The following ROBO1 variants were observed in gnomAD, a reference collection of about 807,000 sequenced individuals.
ROBO1 encodes the protein roundabout guidance receptor 1.
A neutral mutation model predicts 195.9 loss-of-function variants in ROBO1; 149 were observed. The ratio of observed to expected loss-of-function variants is 0.76; its 90% CI spans 0.67 to 0.87. The LOEUF (loss-of-function observed/expected upper bound fraction) is 0.87, where lower values mean the gene tolerates loss of function less well. Among genes scored for constraint, ROBO1 ranks in the 40% least tolerant of loss-of-function variants. The pLI, the probability that ROBO1 is intolerant of heterozygous loss-of-function variation, is 0.00. For synonymous variants in ROBO1, 816 were observed against 733.2 expected (o/e 1.11, Z -1.82); for missense variants, 1,933 against 2,068.3 (o/e 0.93, Z 1.27).
At chr3:79,511,835 C>G (rs758595819) in intron 2 of ROBO1, among the ~76,000 whole-genome samples, 10 of 152,130 alleles carry the variant, frequency 6.6e-5, no homozygotes, top group Non-Finnish European at 1.2e-4. Context: ...AAACCAAATA[C>G]TGCCTGTTCA....
At chr3:79,124,982 T>C (rs1431278656) in intron 3 of ROBO1, among the ~76,000 whole-genome samples, 3 of 152,004 alleles carry the variant, frequency 2.0e-5, no homozygotes, top group Non-Finnish European at 4.4e-5. Context: ...GCAAACACAA[T>C]CCAAAGATGT....
intron 1 of ROBO1, among the ~76,000 whole-genome samples, chr3:79,652,275 T>C (rs1042669764): frequency 6.6e-6 from 1 of 152,116 alleles, no homozygotes; most frequent in Non-Finnish European, 1.5e-5. Context: ...TTGAGGCATG[T>C]CCACTTTGTC....
intron 21 of ROBO1, among the ~76,000 whole-genome samples, chr3:78,644,162 C>T (rs985892295): frequency 1.3e-5 from 2 of 152,022 alleles, no homozygotes; most frequent in African/African-American, 2.4e-5. Flanking sequence ...CACACACATC[C>T]GTAAGTGGCT....
chr3:78,666,944 A>C (rs1260505466), intron 14 of ROBO1, among the ~76,000 whole-genome samples: 1 of 152,112 alleles, frequency 6.6e-6, no homozygotes, highest in Non-Finnish European at 1.5e-5. Context: ...ATGTTGAGAA[A>C]ATAATTTTAT....
At chr3:78,702,641 C>T (rs1296412641) in intron 8 of ROBO1, among the ~76,000 whole-genome samples, 3 of 152,182 alleles carry the variant, frequency 2.0e-5, no homozygotes, top group African/African-American at 7.2e-5. Context: ...TCAGGCTGAG[C>T]AGCTGAGATT....
At chr3:79,296,447 T>G (rs914833998) in intron 2 of ROBO1, among the ~76,000 whole-genome samples, 4 of 151,876 alleles carry the variant, frequency 2.6e-5, no homozygotes, top group Non-Finnish European at 5.9e-5. Flanking sequence ...AACTTCAAGA[T>G]GTCATTTCAT....
chr3:79,058,079 G>A (rs887264997), intron 3 of ROBO1, among the ~76,000 whole-genome samples: 2 of 151,986 alleles, frequency 1.3e-5, no homozygotes, highest in African/African-American at 2.4e-5. Flanking sequence ...ATGAAAGGGG[G>A]AGTAATGGGA....
intron 2 of ROBO1, among the ~76,000 whole-genome samples, chr3:79,251,739 T>C (rs1201680015): frequency 6.6e-6 from 1 of 151,780 alleles, no homozygotes; most frequent in Admixed American, 6.6e-5. Context: ...GACAGAGCGA[T>C]AATCTGCCTC....
chr3:78,682,676 C>CACGTATATAT (rs1234166726), intron 10 of ROBO1, among the ~76,000 whole-genome samples: 5 of 145,258 alleles, frequency 3.4e-5, no homozygotes, highest in Non-Finnish European at 7.5e-5. Context: ...CGTATATATA[C>CACGTATATAT]ACGTATATAT....
At chr3:79,045,033 G>A (rs2078564526) in intron 3 of ROBO1, among the ~76,000 whole-genome samples, 1 of 151,996 alleles carries the variant, frequency 6.6e-6, no homozygotes, top group Non-Finnish European at 1.5e-5. Flanking sequence ...GCATGTGATA[G>A]GAATTGGGCT....
chr3:79,568,371 A>G (rs1455293221), intron 2 of ROBO1, among the ~76,000 whole-genome samples: 1 of 151,942 alleles, frequency 6.6e-6, no homozygotes, highest in Non-Finnish European at 1.5e-5. Context: ...CCATATTCGA[A>G]TCTTCAAACA....
chr3:79,698,091 A>T (rs1467203396), intron 1 of ROBO1, among the ~76,000 whole-genome samples: 1 of 151,520 alleles, frequency 6.6e-6, no homozygotes, highest in Non-Finnish European at 1.5e-5. Flanking sequence ...ATACATTAGG[A>T]GATAATCTAA....
At chr3:79,039,598 C>T (rs533634528) in intron 3 of ROBO1, among the ~76,000 whole-genome samples, 1 of 152,032 alleles carries the variant, frequency 6.6e-6, no homozygotes, top group South Asian at 2.1e-4. Flanking sequence ...GAGTTCAAGA[C>T]CATCCTGGCC....
intron 1 of ROBO1, among the ~76,000 whole-genome samples, chr3:79,609,285 T>C (rs751024089): frequency 6.7e-6 from 1 of 149,504 alleles, no homozygotes; most frequent in Non-Finnish European, 1.5e-5. Flanking sequence ...AAAAAAAAAC[T>C]GAAAAAAAAA....
intron 2 of ROBO1, among the ~76,000 whole-genome samples, chr3:79,295,632 C>T (rs2032546782): frequency 6.6e-6 from 1 of 151,750 alleles, no homozygotes; most frequent in African/African-American, 2.4e-5. Flanking sequence ...CTCACAAATG[C>T]TTCTTGAAAA....
At chr3:78,715,657 G>C (rs146752047) in intron 7 of ROBO1, among the ~76,000 whole-genome samples, 1,615 of 152,092 alleles carry the variant, frequency 0.011, 34 homozygotes, top group African/African-American at 0.037. Context: ...TCAGCCTCCC[G>C]AGCAGCTGGG....
chr3:79,508,443 A>G (rs980343465), intron 2 of ROBO1, among the ~76,000 whole-genome samples: 1 of 152,188 alleles, frequency 6.6e-6, no homozygotes, highest in African/African-American at 2.4e-5. Context: ...TCTTTGGCTT[A>G]AAACCCTCAA....
At chr3:79,688,170 G>A (rs1947187232) in intron 1 of ROBO1, among the ~76,000 whole-genome samples, 1 of 136,546 alleles carries the variant, frequency 7.3e-6, no homozygotes, top group African/African-American at 2.8e-5. Context: ...ATTGAACAAT[G>A]AAAACACATG....
intron 3 of ROBO1, among the ~76,000 whole-genome samples, chr3:79,028,117 C>T (rs1440991532): frequency 6.6e-6 from 1 of 151,856 alleles, no homozygotes; most frequent in Non-Finnish European, 1.5e-5. Context: ...TATTCAGATG[C>T]TAATTGGTTC....
Sources: allele counts gnomAD v4.1 joint callset (sites outside exome capture counted in the v4.1 genomes callset), GRCh38; gene constraint gnomAD v4.1.1; transcripts MANE v1.5; gene names NCBI Gene and HGNC (gene_info 2026-07-23, HGNC 2026-07-21).